The following COL18A1 variants were observed in gnomAD, a reference collection of about 807,000 sequenced individuals.
The protein encoded by COL18A1 is collagen type XVIII alpha 1 chain.
In COL18A1, 133 loss-of-function variants were observed where a neutral mutation model predicts 168.0. The ratio of observed to expected loss-of-function variants is 0.79; its 90% CI spans 0.69 to 0.91. The LOEUF is 0.91. Among genes scored for constraint, COL18A1 ranks in the 40% least tolerant of loss-of-function variants. The pLI is 0.00. For missense variants in COL18A1, 2,126 were observed against 1,925.4 expected, an observed-to-expected ratio of 1.10 and a Z score of -1.95; for synonymous variants, 949 against 809.0, an observed-to-expected ratio of 1.17 and a Z score of -2.94.
At position 45,431,330 on chromosome 21, in the gene COL18A1, G is replaced by A. The variant is rs902936968; in HGVS notation, c.106+25857G>A. Among the ~76,000 whole-genome samples, 10 of 152,190 alleles carry A rather than the reference G, an allele frequency of 6.6e-5. No homozygotes were observed. In the Middle Eastern group the frequency reaches 0.01, roughly 155 times the overall value. The stretch of plus-strand genomic sequence containing the variant: ...GGCCAGTGCTGGCTGCAGAGACAGC[G>A]GAGCGTGTGTGGACCCGGCGGCCCA... On this transcript the variant is annotated intron_variant, in intron 2 of 41. Transcript: ENST00000651438.
In COL18A1 at chr21:45,468,594, C is replaced by A. The variant is rs1298244228; in HGVS notation, c.459C>A (p.Phe153Leu). The change falls in exon 3 of 42, where the codon TTC becomes TTA. Residue 153 changes from phenylalanine to leucine, a missense_variant. Coordinates refer to ENST00000651438, the MANE Select transcript of COL18A1 (RefSeq NM_001379500.1). ...GCCAGACCCACACAGCCGCCAGCTTCCGGCTCCCCGCCTTCGTCGGCCAGT... is the reference window on the plus strand; with the variant it reads ...GCCAGACCCACACAGCCGCCAGCTTACGGCTCCCCGCCTTCGTCGGCCAGT... ...GAGQTHTAASFRLPAFVGQWT... is the reference protein window; with the variant it reads ...GAGQTHTAASLRLPAFVGQWT... 1 of 1,613,794 alleles carries A rather than the reference C, an allele frequency of 6.2e-7. No individual in the cohort carries two copies. The highest frequency in any genetic ancestry group is 1.1e-5 in the South Asian group (1 of 91,090).
intron 2 of COL18A1, among the ~76,000 whole-genome samples, chr21:45,448,139 C>G (rs2034542367): frequency 6.6e-6 from 1 of 152,222 alleles, no homozygotes; most frequent in Non-Finnish European, 1.5e-5. Context: ...TCTATTTTCT[C>G]TACAAACATC....
chr21:45,446,949 A>G (rs1350700175), intron 2 of COL18A1, among the ~76,000 whole-genome samples: 1 of 152,218 alleles, frequency 6.6e-6, no homozygotes, highest in Non-Finnish European at 1.5e-5. Context: ...ATTCAACACC[A>G]TTCATGAAAA....
chr21:45,494,738 T>G, intron 27 of COL18A1, 124 bp from the exon 28 acceptor site: 2 of 1,277,850 alleles, frequency 1.6e-6, no homozygotes, highest in Admixed American at 3.9e-5. Flanking sequence ...AGTGGGCTCC[T>G]CCGAGCTGAT....
At chr21:45,406,818 A>G (rs1351355360) in intron 2 of COL18A1, among the ~76,000 whole-genome samples, 1 of 152,284 alleles carries the variant, frequency 6.6e-6, no homozygotes, top group East Asian at 1.9e-4. Context: ...TTTGAATAGA[A>G]AAAACAAAAA....
chr21:45,445,052 A>G (rs2034475032), intron 2 of COL18A1, among the ~76,000 whole-genome samples: 1 of 152,160 alleles, frequency 6.6e-6, no homozygotes, highest in Non-Finnish European at 1.5e-5. Context: ...ATATTCAAAA[A>G]TCTATGCCAC....
rs148502711 is a variant in COL18A1, at chr21:45,491,385, G to GCCCCC, written c.2157+75_2157+79dup. The GCCCCC allele has an allele frequency of 8.4e-6, 6 of 717,074 alleles. No individual in the cohort carries two copies. The African/African-American group carries it at 8.4e-5, about 10-fold the overall frequency. The allele number at this position is 717,074 out of a possible 1,614,324, so 44.4% of individuals were successfully genotyped here. ...ACGGGGTGCAGAGATCCCTCCCCGA[G>GCCCCC]CCCCCCCCACACCCCCACATCCCCC... is the stretch of plus-strand genomic sequence containing the variant. On this transcript the variant is annotated intron_variant, in intron 22 of 41. Transcript: ENST00000651438.
At chr21:45,478,681 C>CG (rs963845305) in intron 9 of COL18A1, among the ~76,000 whole-genome samples, 1 of 131,340 alleles carries the variant, frequency 7.6e-6, no homozygotes, top group Non-Finnish European at 1.6e-5. Context: ...TGCAAGTCGG[C>CG]GGGGGAGGGA....
intron 2 of COL18A1, among the ~76,000 whole-genome samples, chr21:45,448,275 T>C (rs886888791): frequency 1.3e-5 from 2 of 150,184 alleles, no homozygotes; most frequent in African/African-American, 5.0e-5. Context: ...TTTCTCTCCA[T>C]CTGTGTCCAT....
At chr21:45,483,453 T>G (rs1299308315) in intron 15 of COL18A1, among the ~76,000 whole-genome samples, 2 of 152,136 alleles carry the variant, frequency 1.3e-5, no homozygotes, top group East Asian at 1.9e-4. Flanking sequence ...GACCAGACAA[T>G]TTATCTGACA....
At chr21:45,508,437 GGGTAAGTGGGTGAGTGGATGGGT>G (rs1042256303) in intron 38 of COL18A1, among the ~76,000 whole-genome samples, 4 of 147,562 alleles carry the variant, frequency 2.7e-5, no homozygotes, top group Non-Finnish European at 6.0e-5. Context: ...GATGGATGGT[GGGTAAGTGGGTGAGTGGATGGGT>G]GGATGGACAG....
chr21:45,481,903 C>T, intron 13 of COL18A1, 60 bp from the exon 14 acceptor site: 1 of 1,235,020 alleles, frequency 8.1e-7, no homozygotes, highest in South Asian at 1.2e-5. Flanking sequence ...ACCTGTTAAC[C>T]CAGAAATCGT....
In COL18A1 at chr21:45,435,208, G is replaced by T. The variant is rs2034067177; in HGVS notation, c.106+29735G>T. ...GTGAGTCCTGGGAAGTGGGTAGGGG[G>T]TCGATGGGAGGAAGAGAGGAAGGTG... On this transcript the variant is annotated intron_variant, in intron 2 of 41. Transcript: ENST00000651438. 2.1e-5 allele frequency among the ~76,000 whole-genome samples: 3 copies of T among 144,262 alleles called. No homozygotes were observed. The South Asian group carries it at 6.9e-4, about 33-fold the overall frequency. 94.6% of individuals were successfully genotyped at this position (144,262 alleles called of 152,430 possible).
chr21:45,505,258 T>C lies in COL18A1; in HGVS notation c.2993T>C (p.Phe998Ser). The part of the protein sequence containing the change: ...GPPGPPGPPS[F>S]PGPHRQTISV... The stretch of plus-strand genomic sequence containing the variant: ...CCAGGCCCCCCAGGGCCCCCTTCAT[T>C]TCCTGGCCCTCACAGGCAGAGTAAG... Residue 998 changes from phenylalanine to serine, a missense_variant, in exon 35 of 42, where the codon TTT (phenylalanine) becomes TCT (serine). By Grantham distance (155) the Phe-to-Ser change is radical. Transcript: ENST00000651438. The C allele has an allele frequency of 5.6e-6, 9 of 1,595,448 alleles. No individual in the cohort carries two copies. Among genetic ancestry groups the C allele is most frequent in the Non-Finnish European group, 7.7e-6 (9 of 1,169,442 alleles).
chr21:45,506,561 C>A, intron 37 of COL18A1: 1 of 186,824 alleles, frequency 5.4e-6, no homozygotes, highest in Middle Eastern at 2.5e-3. Flanking sequence ...CAGGTGGGTG[C>A]GGCCATGCTT....
Position 45,477,968 on chromosome 21 carries a change from G to A in COL18A1, c.1221+3G>A, listed in dbSNP as rs980125870. On this transcript the variant is annotated splice_donor_region_variant and intron_variant, in intron 8 of 41. Transcript: ENST00000651438. ...CCCCTGGAAGGGACGGCGAGCCGGT[G>A]AGTCCTCACGTCCCCCCGAGTCCGG... The A allele has an allele frequency of 2.8e-6, 4 of 1,445,118 alleles. No homozygotes were observed. In the African/African-American group the frequency reaches 4.2e-5, roughly 15 times the overall value. 89.5% of individuals were successfully genotyped at this position (1,445,118 alleles called of 1,614,324 possible). A position where few individuals can be genotyped will look rare whatever the true frequency, so the allele number is the denominator to read the frequency against.
chr21:45,455,611 C>T (rs753936486), intron 2 of COL18A1: 1 of 1,613,992 alleles, frequency 6.2e-7, no homozygotes. Context: ...ACCTGCTGAA[C>T]CTGAACTGGC....
chr21:45,512,163 A>T (rs2037649774), intron 41 of COL18A1, 25 bp from the exon 42 acceptor site: 1 of 1,600,784 alleles, frequency 6.2e-7, no homozygotes, highest in African/African-American at 1.3e-5. Context: ...TCTGGGTTTG[A>T]CTGACGGCCC....
intron 8 of COL18A1, 83 bp from the exon 9 acceptor site, chr21:45,478,244 G>C: frequency 1.3e-6 from 2 of 1,574,856 alleles, no homozygotes; most frequent in Non-Finnish European, 1.7e-6. Context: ...GACTTGGAGC[G>C]TGGGGTGCAT....
Sources: allele counts gnomAD v4.1 joint callset (sites outside exome capture counted in the v4.1 genomes callset), GRCh38; gene constraint gnomAD v4.1.1; transcripts MANE v1.5; gene names NCBI Gene and HGNC (gene_info 2026-07-23, HGNC 2026-07-21).